Variants in CES5A observed in about 807,000 individuals in gnomAD.
CES5A encodes carboxylesterase 5.
A neutral mutation model predicts 62.9 loss-of-function variants in CES5A; 67 were observed. The observed-to-expected ratio is 1.07, with a 90% CI of 0.88 to 1.31. The LOEUF (loss-of-function observed/expected upper bound fraction) is 1.31, where lower values mean the gene tolerates loss of function less well. CES5A is among the 50% of genes most tolerant of loss of function. The pLI is 0.00. For synonymous variants in CES5A, 296 were observed against 280.8 expected (o/e 1.05, Z -0.54); for missense variants, 748 against 708.5 (o/e 1.06, Z -0.63).
intron 1 of CES5A, among the ~76,000 whole-genome samples, chr16:55,888,474 C>G (rs1051453768): frequency 6.6e-6 from 1 of 152,204 alleles, no homozygotes; most frequent in Non-Finnish European, 1.5e-5. Flanking sequence ...CAGTAGGTCT[C>G]TGGAACTAAG....
chr16:55,894,109 G>A (rs1295245440), intron 1 of CES5A, among the ~76,000 whole-genome samples: 2 of 152,088 alleles, frequency 1.3e-5, no homozygotes, highest in Non-Finnish European at 1.5e-5. Flanking sequence ...CAAAATGTTA[G>A]AGAAAGAATA....
intron 5 of CES5A, among the ~76,000 whole-genome samples, chr16:55,865,235 A>G (rs2033432279): frequency 6.6e-6 from 1 of 152,176 alleles, no homozygotes; most frequent in African/African-American, 2.4e-5. Context: ...AAAACCATAT[A>G]TGTGTGTGTA....
upstream of CES5A, among the ~76,000 whole-genome samples, chr16:55,879,919 A>G (rs1467890764): frequency 6.6e-6 from 1 of 152,200 alleles, no homozygotes; most frequent in Non-Finnish European, 1.5e-5. Flanking sequence ...TCTTTACCCA[A>G]TGAAATCCTA....
At chr16:55,916,262 T>C (rs567994620) in intron 1 of CES5A, among the ~76,000 whole-genome samples, 29 of 152,222 alleles carry the variant, frequency 1.9e-4, no homozygotes, top group Non-Finnish European at 3.1e-4. Context: ...AAGCTACATA[T>C]CTTGTGACTC....
In CES5A at chr16:55,955,960, A is replaced by C. The variant is rs2034606142; in HGVS notation, c.-75T>G. On this transcript the variant is annotated 5_prime_UTR_variant, in exon 1 of 14. Transcript: ENST00000521992. ...TGACACAGAGCCCCAGTCCTCTTGC[A>C]CATCATGTACATGGTACAGCTGATA... 7 of 1,418,138 alleles carry C rather than the reference A, an allele frequency of 4.9e-6. No homozygotes were observed. The South Asian group carries it at 7.4e-5, about 15-fold the overall frequency. The allele number at this position is 1,418,138 out of a possible 1,614,324, so 87.8% of individuals were successfully genotyped here.
At chr16:55,926,154 T>G (rs1439321021), upstream of CES5A, among the ~76,000 whole-genome samples, 1 of 152,158 alleles carries the variant, frequency 6.6e-6, no homozygotes, top group Non-Finnish European at 1.5e-5. Flanking sequence ...AAAAAATATC[T>G]AAGGTTATGG....
chr16:55,878,886 A>G (rs2033729212), upstream of CES5A, among the ~76,000 whole-genome samples: 1 of 114,398 alleles, frequency 8.7e-6, no homozygotes, highest in Non-Finnish European at 1.8e-5. Flanking sequence ...CACCCCCACC[A>G]TTTAACCACC....
chr16:55,863,604 G>C (rs2033398275), intron 5 of CES5A, 152 bp from the exon 6 acceptor site: 3 of 599,230 alleles, frequency 5.0e-6, no homozygotes, highest in Non-Finnish European at 9.0e-6. Context: ...TAAAGGACTA[G>C]CTGTGAAGGT....
At chr16:55,908,456 G>T (rs1331484839) in intron 1 of CES5A, among the ~76,000 whole-genome samples, 1 of 152,166 alleles carries the variant, frequency 6.6e-6, no homozygotes, top group East Asian at 1.9e-4. Context: ...CACTTCCTGG[G>T]TTCAAGGGAT....
chr16:55,910,834 C>T (rs1448252364), intron 1 of CES5A, among the ~76,000 whole-genome samples: 6 of 151,962 alleles, frequency 3.9e-5, no homozygotes, highest in African/African-American at 1.4e-4. Flanking sequence ...CCAGCACTTG[C>T]ATCTTTGCCC....
intron 1 of CES5A, among the ~76,000 whole-genome samples, chr16:55,884,147 T>C (rs935469239): frequency 6.6e-6 from 1 of 152,384 alleles, no homozygotes; most frequent in South Asian, 2.1e-4. Context: ...TCTAAGGATC[T>C]GGCCACCTTT....
chr16:55,949,852 A>C, exon 2 of CES5A: 1 of 1,528,552 alleles, frequency 6.5e-7, no homozygotes, highest in Non-Finnish European at 8.8e-7. Context: ...AGGCTGGATA[A>C]AAATAGTAAA....
At chr16:55,873,782 C>G (rs756603627) in intron 2 of CES5A, 51 bp downstream of exon 2, 1 of 1,511,180 alleles carries the variant, frequency 6.6e-7, no homozygotes, top group African/African-American at 1.4e-5. Context: ...GACCTGAATT[C>G]CTGCCACTCC....
intron 1 of CES5A, among the ~76,000 whole-genome samples, chr16:55,909,560 G>A (rs1038358793): frequency 1.4e-4 from 16 of 110,646 alleles, no homozygotes; most frequent in Non-Finnish European, 2.2e-4. Context: ...ATGTGAGTGC[G>A]TGCGCACGTG....
At chr16:55,849,500 G>C in intron 11 of CES5A, 124 bp downstream of exon 11, 2 of 1,037,370 alleles carry the variant, frequency 1.9e-6, no homozygotes, top group Non-Finnish European at 2.8e-6. Context: ...CCAGAGAAAG[G>C]TTGTGTCCGC....
chr16:55,905,658 C>A (rs550296191), intron 1 of CES5A, among the ~76,000 whole-genome samples: 1 of 152,162 alleles, frequency 6.6e-6, no homozygotes, highest in Admixed American at 6.5e-5. Context: ...CCGTGCCTGG[C>A]CCTAAATCTG....
intron 6 of CES5A, among the ~76,000 whole-genome samples, 183 bp downstream of exon 6, chr16:55,863,165 G>A (rs1449335191): frequency 2.0e-5 from 3 of 152,190 alleles, no homozygotes; most frequent in South Asian, 2.1e-4. Flanking sequence ...GTGGCATTGT[G>A]TAGCTAGACC....
At chr16:55,939,834 T>C (rs947840217) in intron 2 of CES5A, among the ~76,000 whole-genome samples, 2 of 151,990 alleles carry the variant, frequency 1.3e-5, no homozygotes, top group African/African-American at 4.8e-5. Context: ...TCTCAAACTA[T>C]AATGGAATTA....
At chr16:55,886,014 A>C (rs1432391456) in intron 1 of CES5A, among the ~76,000 whole-genome samples, 1 of 152,220 alleles carries the variant, frequency 6.6e-6, no homozygotes, top group African/African-American at 2.4e-5. Context: ...CTTCCCCTCA[A>C]TCACATCCGT....
Sources: gnomAD v4.1 joint callset for allele counts (sites outside exome capture counted in the v4.1 genomes callset) on GRCh38, gnomAD v4.1.1 for gene constraint, MANE v1.5 for transcripts, NCBI Gene and HGNC (gene_info 2026-07-23, HGNC 2026-07-21) for gene names.